Variants in RHOG observed in about 807,000 individuals in gnomAD.
The protein encoded by RHOG is rho-related GTP-binding protein RhoG.
In RHOG, 1 loss-of-function variant was observed where a neutral mutation model predicts 12.3. That is an observed-to-expected ratio of 0.08 (90% confidence interval 0.03 to 0.39). RHOG has a LOEUF of 0.39. Among genes scored for constraint, RHOG ranks in the 10% least tolerant of loss-of-function variants. The pLI is 0.99. For missense variants in RHOG, 114 were observed against 266.2 expected (o/e 0.43, Z 3.98); for synonymous variants, 129 against 116.0 (o/e 1.11, Z -0.72).
At chr11:3,832,924 C>T (rs183028539) in intron 1 of RHOG, among the ~76,000 whole-genome samples, 33 of 152,170 alleles carry the variant, frequency 2.2e-4, no homozygotes, top group Non-Finnish European at 4.0e-4. Flanking sequence ...CAGTGGTGCA[C>T]CTGCAGTCCC....
In RHOG at chr11:3,827,340, A is replaced by C. The variant is rs976393713; in HGVS notation, c.*223T>G. 124 of 577,800 alleles carry C rather than the reference A, an allele frequency of 2.1e-4. No homozygotes were observed. The highest frequency in any genetic ancestry group is 4.6e-4 in the Middle Eastern group (1 of 2,192). The allele number at this position is 577,800 out of a possible 1,614,324, so 35.8% of individuals were successfully genotyped here. ...GTCCAACCTTGGCTTGGATGAGCTC[A>C]TGAGAATACCCAGTGTTCCCAAGCA... On this transcript the variant is annotated 3_prime_UTR_variant, in exon 2 of 2. Coordinates refer to ENST00000351018, the MANE Select transcript of RHOG (RefSeq NM_001665.4). The surrounding 1 kb of genome is among the most constrained non-coding windows in gnomAD (Gnocchi z 7.3).
chr11:3,828,822 G>T (rs527770723), intron 1 of RHOG, among the ~76,000 whole-genome samples: 5 of 151,384 alleles, frequency 3.3e-5, no homozygotes, highest in East Asian at 1.9e-4. Context: ...GGGTTTCACC[G>T]TGTTGGCCAG....
At chr11:3,839,561 A>G (rs1346376127) in intron 1 of RHOG, among the ~76,000 whole-genome samples, 1 of 149,548 alleles carries the variant, frequency 6.7e-6, no homozygotes, top group African/African-American at 2.5e-5. Context: ...TAAGAGATGA[A>G]GATGTAGATA....
At chr11:3,837,076 C>T (rs2090162491) in intron 1 of RHOG, among the ~76,000 whole-genome samples, 2 of 152,042 alleles carry the variant, frequency 1.3e-5, no homozygotes, top group African/African-American at 4.8e-5. Flanking sequence ...CACCAAAGGC[C>T]TGTGAAGTGG....
intron 1 of RHOG, chr11:3,837,890 T>A (rs1266224046): frequency 6.6e-6 from 1 of 152,352 alleles, no homozygotes; most frequent in Non-Finnish European, 1.5e-5. Flanking sequence ...CATTACTCAA[T>A]AGCCAGCCAC....
intron 1 of RHOG, among the ~76,000 whole-genome samples, chr11:3,835,736 A>G (rs935213566): frequency 6.6e-6 from 1 of 152,202 alleles, no homozygotes; most frequent in African/African-American, 2.4e-5. Flanking sequence ...GGGAAGGAAA[A>G]GTGGTCCCGA....
intron 1 of RHOG, among the ~76,000 whole-genome samples, chr11:3,833,047 C>A (rs370323371): frequency 1.3e-4 from 20 of 151,862 alleles, no homozygotes; most frequent in African/African-American, 4.3e-4. Context: ...CAGCAAGACC[C>A]CATGTCTCAA....
At chr11:3,836,122 G>A (rs576432422) in intron 1 of RHOG, among the ~76,000 whole-genome samples, 13 of 151,664 alleles carry the variant, frequency 8.6e-5, no homozygotes, top group African/African-American at 3.1e-4. Flanking sequence ...GGAGGCCAAG[G>A]CAGGCAGACC....
intron 1 of RHOG, among the ~76,000 whole-genome samples, chr11:3,836,082 G>A (rs536517401): frequency 7.9e-5 from 12 of 151,112 alleles, no homozygotes; most frequent in African/African-American, 2.7e-4. Context: ...CCCGGGTGCC[G>A]TGGCTCACGT....
Position 3,827,484 on chromosome 11 carries a change from G to T in RHOG, c.*79C>A, listed in dbSNP as rs745458014. The T allele has an allele frequency of 2.2e-5, 26 of 1,207,434 alleles. No individual in the cohort carries two copies. Among genetic ancestry groups the T allele is most frequent in the Non-Finnish European group, 3.1e-5 (26 of 850,722 alleles). 74.8% of individuals were successfully genotyped at this position (1,207,434 alleles called of 1,614,324 possible). A position where few individuals can be genotyped will look rare whatever the true frequency, so the allele number is the denominator to read the frequency against. On this transcript the variant is annotated 3_prime_UTR_variant, in exon 2 of 2. Coordinates refer to ENST00000351018, the MANE Select transcript of RHOG (RefSeq NM_001665.4). The surrounding 1 kb of genome is among the most constrained non-coding windows in gnomAD (Gnocchi z 7.3). ...AGGGGTGCCAGAATTAGTCCTTAAGGCACAGCTGAGGCGGACAAGGCACCA... is the reference window on the plus strand; with the variant it reads ...AGGGGTGCCAGAATTAGTCCTTAAGTCACAGCTGAGGCGGACAAGGCACCA...
In RHOG at chr11:3,828,852, C is replaced by T. The variant is rs567031348; in HGVS notation, c.-68-646G>A. Among the ~76,000 whole-genome samples the T allele has an allele frequency of 1.1e-3, 172 of 151,996 alleles. 1 individual carries two copies. Among genetic ancestry groups the T allele is most frequent in the Middle Eastern group, 3.4e-3 (1 of 294 alleles). On this transcript the variant is annotated intron_variant, in intron 1 of 1. Coordinates refer to ENST00000351018, the MANE Select transcript of RHOG (RefSeq NM_001665.4). Reference sequence around the variant, plus strand: ...GGCCAGGATGGTCTCGATCTCCTGACCTCGTGATCCGCCCGCCTTGGCCTC... The same window carrying T: ...GGCCAGGATGGTCTCGATCTCCTGATCTCGTGATCCGCCCGCCTTGGCCTC...
At chr11:3,840,357 A>C (rs2090183756) in intron 1 of RHOG, among the ~76,000 whole-genome samples, 1 of 151,790 alleles carries the variant, frequency 6.6e-6, no homozygotes, top group South Asian at 2.1e-4. Context: ...GGTCCTCCTG[A>C]GTGCAGAGGG....
intron 1 of RHOG, among the ~76,000 whole-genome samples, chr11:3,840,321 T>C (rs1278404872): frequency 6.6e-6 from 1 of 151,660 alleles, no homozygotes; most frequent in Non-Finnish European, 1.5e-5. Context: ...ACGACTGGGG[T>C]CGGCGGGGCT....
intron 1 of RHOG, among the ~76,000 whole-genome samples, chr11:3,833,001 C>T (rs1305377056): frequency 5.3e-5 from 8 of 152,050 alleles, no homozygotes; most frequent in Non-Finnish European, 1.2e-4. Flanking sequence ...GGTTATCGTC[C>T]CTGTGAGTAG....
rs1222340086 is a variant in RHOG, at chr11:3,827,392, TCTCTGCAGGCCTC to T, written c.*158_*170del. On this transcript the variant is annotated 3_prime_UTR_variant, in exon 2 of 2. Coordinates refer to ENST00000351018, the MANE Select transcript of RHOG (RefSeq NM_001665.4). This position sits in a 1 kb window ranked among gnomAD's most constrained non-coding sequence, Gnocchi z 7.3. Reference sequence around the variant, plus strand: ...AGGGGGGCAGAGCCCAAAGCCCCTTTCTCTGCAGGCCTCCTTAAGGAGAAAAAGGCACTCAGAG... The same window carrying T: ...AGGGGGGCAGAGCCCAAAGCCCCTTTCTTAAGGAGAAAAAGGCACTCAGAG... 6.5e-6 allele frequency: 4 copies of T among 611,596 alleles called. No individual in the cohort carries two copies. The highest frequency in any genetic ancestry group is 5.6e-5 in the African/African-American group (3 of 54,018). The allele number at this position is 611,596 out of a possible 1,614,324, so 37.9% of individuals were successfully genotyped here.
In RHOG at chr11:3,827,299, G is replaced by A. The variant is rs777601046; in HGVS notation, c.*264C>T. ...GGAAAATGGGAGGGGGCACTGGGTT[G>A]GCCTCTTGGGGAGGGGTCCAACCTT... is the stretch of plus-strand genomic sequence containing the variant. On this transcript the variant is annotated 3_prime_UTR_variant, in exon 2 of 2. Transcript: ENST00000351018. The surrounding 1 kb of genome is among the most constrained non-coding windows in gnomAD (Gnocchi z 7.3). 3 of 519,042 alleles carry A rather than the reference G, an allele frequency of 5.8e-6. No homozygotes were observed. The highest frequency in any genetic ancestry group is 1.0e-5 in the Non-Finnish European group (3 of 289,192). The allele number at this position is 519,042 out of a possible 1,614,324, so 32.2% of individuals were successfully genotyped here. A position where few individuals can be genotyped will look rare whatever the true frequency, so the allele number is the denominator to read the frequency against.
chr11:3,831,006 C>T (rs181497111), intron 1 of RHOG, among the ~76,000 whole-genome samples: 181 of 152,192 alleles, frequency 1.2e-3, no homozygotes, highest in Admixed American at 3.1e-3. Context: ...GGGCCTGCTC[C>T]CTGAGAGGGG....
Position 3,827,412 on chromosome 11 carries a change from G to A in RHOG, c.*151C>T, listed in dbSNP as rs1288524915. 4.7e-6 allele frequency: 3 copies of A among 644,312 alleles called. No individual in the cohort carries two copies. The highest frequency in any genetic ancestry group is 1.8e-5 in the African/African-American group (1 of 54,664). The allele number at this position is 644,312 out of a possible 1,614,324, so 39.9% of individuals were successfully genotyped here. On this transcript the variant is annotated 3_prime_UTR_variant, in exon 2 of 2. Transcript: ENST00000351018. The surrounding 1 kb of genome is among the most constrained non-coding windows in gnomAD (Gnocchi z 7.3). ...CCCTTTCTCTGCAGGCCTCCTTAAG[G>A]AGAAAAAGGCACTCAGAGAAAAAGG...
intron 1 of RHOG, among the ~76,000 whole-genome samples, chr11:3,829,521 G>A (rs1430198654): frequency 6.6e-6 from 1 of 152,106 alleles, no homozygotes. Flanking sequence ...AAAGTGCTGG[G>A]ATTACAGGCG....
Sources: gnomAD v4.1 joint callset for allele counts (sites outside exome capture counted in the v4.1 genomes callset) on GRCh38, gnomAD v4.1.1 for gene constraint, Gnocchi (gnomAD v3.1) non-coding constraint, MANE v1.5 for transcripts, NCBI Gene and HGNC (gene_info 2026-07-23, HGNC 2026-07-21) for gene names.